PCDH15: variants seen among roughly 807,000 people sequenced by gnomAD.
The protein encoded by PCDH15 is protocadherin-15.
A neutral mutation model predicts 178.5 loss-of-function variants in PCDH15; 129 were observed. The observed-to-expected ratio is 0.72, with a 90% confidence interval of 0.63 to 0.84. The LOEUF is 0.84. Ranked by LOEUF, PCDH15 falls within the 40% of genes least tolerant of loss-of-function variation. The pLI, the probability that PCDH15 is intolerant of heterozygous loss-of-function variation, is 0.00. For synonymous variants in PCDH15, 800 were observed against 732.0 expected, an observed-to-expected ratio of 1.09 and a Z score of -1.50; for missense variants, 2,230 against 2,099.9, an observed-to-expected ratio of 1.06 and a Z score of -1.21.
intron 2 of PCDH15, among the ~76,000 whole-genome samples, chr10:55,537,263 G>GT (rs1225820080): frequency 2.0e-5 from 3 of 152,016 alleles, no homozygotes; most frequent in African/African-American, 7.2e-5. Flanking sequence ...GAGAAATGCA[G>GT]TTTTTTAAAT....
chr10:54,112,146 T>A (rs10825238), intron 15 of PCDH15, among the ~76,000 whole-genome samples: 45,972 of 150,972 alleles, frequency 0.3, 8,086 homozygotes, highest in East Asian at 0.82. Context: ...TGTCTCAAAA[T>A]AAATAAATAA....
At chr10:54,416,705 T>C (rs963916588) in intron 3 of PCDH15, among the ~76,000 whole-genome samples, 17 of 152,202 alleles carry the variant, frequency 1.1e-4, no homozygotes, top group African/African-American at 4.1e-4. Flanking sequence ...CACCATACTG[T>C]CTTCCACAAT....
At chr10:54,323,997 T>TTAG (rs1349625809) in intron 7 of PCDH15, among the ~76,000 whole-genome samples, 1 of 152,114 alleles carries the variant, frequency 6.6e-6, no homozygotes, top group African/African-American at 2.4e-5. Context: ...TCATGTATCT[T>TTAG]TAGTAGCCAA....
chr10:54,025,494 C>T (rs980404334), intron 18 of PCDH15, among the ~76,000 whole-genome samples: 9 of 141,444 alleles, frequency 6.4e-5, no homozygotes, highest in African/African-American at 2.3e-4. Flanking sequence ...TGACACATTT[C>T]CACCATTTTT....
chr10:54,247,932 AAG>A, intron 8 of PCDH15, among the ~76,000 whole-genome samples: 2 of 138,350 alleles, frequency 1.4e-5, no homozygotes, highest in African/African-American at 6.0e-5. Context: ...GGATGCATGA[AAG>A]AATATATATA....
intron 8 of PCDH15, among the ~76,000 whole-genome samples, chr10:54,259,500 A>C (rs1390641702): frequency 1.3e-5 from 2 of 152,228 alleles, no homozygotes; most frequent in East Asian, 3.8e-4. Flanking sequence ...GAGTGAACAA[A>C]GTGACACGGA....
At chr10:54,746,877 G>A (rs368143327) in intron 1 of PCDH15, among the ~76,000 whole-genome samples, 1 of 152,166 alleles carries the variant, frequency 6.6e-6, no homozygotes, top group Non-Finnish European at 1.5e-5. Flanking sequence ...CATTCGAGTC[G>A]CACAGATGAG....
intron 6 of PCDH15, among the ~76,000 whole-genome samples, chr10:54,337,436 A>G (rs1330121317): frequency 6.6e-6 from 1 of 152,112 alleles, no homozygotes; most frequent in Non-Finnish European, 1.5e-5. Context: ...GGACCCGGTG[A>G]GAGATAATTA....
chr10:54,883,502 T>C (rs1284440160), intron 3 of PCDH15, among the ~76,000 whole-genome samples: 1 of 151,960 alleles, frequency 6.6e-6, no homozygotes, highest in African/African-American at 2.4e-5. Context: ...AGATAAATAA[T>C]ATCTCCAATT....
chr10:54,491,191 C>A (rs2137127307), intron 3 of PCDH15, among the ~76,000 whole-genome samples: 1 of 151,918 alleles, frequency 6.6e-6, no homozygotes, highest in Non-Finnish European at 1.5e-5. Context: ...TCTTGTAGGA[C>A]AAGTTCAAAG....
At chr10:54,522,044 C>T (rs998376277) in intron 3 of PCDH15, among the ~76,000 whole-genome samples, 6 of 138,058 alleles carry the variant, frequency 4.3e-5, no homozygotes, top group South Asian at 2.3e-4. Context: ...GCCAAGATCA[C>T]GCCGCTGCAT....
At chr10:54,481,195 T>C (rs1339753446) in intron 3 of PCDH15, among the ~76,000 whole-genome samples, 1 of 151,962 alleles carries the variant, frequency 6.6e-6, no homozygotes, top group Non-Finnish European at 1.5e-5. Flanking sequence ...CAAATTTATA[T>C]TAGCCTAAAT....
chr10:54,116,807 T>C (rs1336895982), intron 15 of PCDH15, among the ~76,000 whole-genome samples: 1 of 152,200 alleles, frequency 6.6e-6, no homozygotes, highest in East Asian at 1.9e-4. Context: ...ACAGTAATTT[T>C]ATATATGTTG....
At position 54,192,138 on chromosome 10, in the gene PCDH15, GAGAAAGAAAGAAAGAAAA is replaced by G. The variant is rs1195432923; in HGVS notation, c.1305+3527_1305+3544del. ...AAAAAAAGAAAGAAAGAAAGAGAAA[GAGAAAGAAAGAAAGAAAA>G]AGAAAGAAAGAAAGAAAAAGAAAGA... On this transcript the variant is annotated intron_variant, in intron 11 of 37. Transcript: ENST00000644397. Among the ~76,000 whole-genome samples, 30 of 117,596 alleles carry G rather than the reference GAGAAAGAAAGAAAGAAAA, an allele frequency of 2.6e-4. No individual in the cohort carries two copies. The South Asian group carries it at 6.6e-3, about 26-fold the overall frequency. 77.1% of individuals were successfully genotyped at this position (117,596 alleles called of 152,430 possible).
intron 2 of PCDH15, among the ~76,000 whole-genome samples, chr10:55,391,218 C>T (rs915969586): frequency 1.3e-5 from 2 of 151,864 alleles, no homozygotes; most frequent in South Asian, 4.1e-4. Flanking sequence ...TGTGACTTCA[C>T]CTTGAATTTT....
intron 23 of PCDH15, among the ~76,000 whole-genome samples, chr10:53,959,291 T>G (rs1004300353): frequency 3.3e-5 from 5 of 150,728 alleles, no homozygotes; most frequent in African/African-American, 1.2e-4. Context: ...ACACATGCAC[T>G]ACATATTTAC....
intron 8 of PCDH15, among the ~76,000 whole-genome samples, chr10:54,278,133 T>G (rs764506922): frequency 2.0e-4 from 30 of 151,710 alleles, no homozygotes; most frequent in Non-Finnish European, 4.1e-4. Flanking sequence ...CTCTTTTGTG[T>G]CAGTCCTTGA....
At chr10:55,505,863 G>T (rs1415352818) in intron 2 of PCDH15, among the ~76,000 whole-genome samples, 1 of 151,380 alleles carries the variant, frequency 6.6e-6, no homozygotes, top group Non-Finnish European at 1.5e-5. Context: ...CTTCCTTGAG[G>T]AAGTGACATT....
rs1374278881 is a variant in PCDH15 at position 54,429,355 on chromosome 10, G to A, written c.158-50413C>T. On this transcript the variant is annotated intron_variant, in intron 3 of 37. Coordinates refer to ENST00000644397, the MANE Select transcript of PCDH15 (RefSeq NM_001384140.1). ...CAGCAGATACACAAAAAAAGGAAAA[G>A]AAAGAAATTAAATCCTACTGCCAAG... 3.9e-5 allele frequency among the ~76,000 whole-genome samples: 6 copies of A among 152,014 alleles called. No homozygotes were observed. The East Asian group carries it at 1.2e-3, about 29-fold the overall frequency.
Sources: allele counts gnomAD v4.1 joint callset (sites outside exome capture counted in the v4.1 genomes callset), GRCh38; gene constraint gnomAD v4.1.1; transcripts MANE v1.5; gene names NCBI Gene and HGNC (gene_info 2026-07-23, HGNC 2026-07-21).